Variants in MAML3 observed in about 807,000 individuals in gnomAD.
The protein encoded by MAML3 is mastermind like transcriptional coactivator 3.
A neutral mutation model predicts 101.9 loss-of-function variants in MAML3; 27 were observed. The observed-to-expected ratio is 0.27, with a 90% CI of 0.20 to 0.37. The LOEUF is 0.37. MAML3 is among the 10% of genes least tolerant of loss of function. MAML3 has a pLI of 1.00. For missense variants in MAML3, 1,316 were observed against 1,444.9 expected (o/e 0.91, Z 1.45); for synonymous variants, 501 against 555.9 (o/e 0.90, Z 1.39).
intron 1 of MAML3, among the ~76,000 whole-genome samples, chr4:140,036,341 G>A (rs764506721): frequency 1.3e-5 from 2 of 152,140 alleles, no homozygotes; most frequent in South Asian, 2.1e-4. Flanking sequence ...CAAGACCTCC[G>A]TCACCCAGCA....
chr4:139,841,060 A>T, intron 2 of MAML3, among the ~76,000 whole-genome samples: 1 of 152,252 alleles, frequency 6.6e-6, no homozygotes, highest in East Asian at 1.9e-4. Context: ...ATAACAACAT[A>T]GAACCAAAAG....
intron 1 of MAML3, among the ~76,000 whole-genome samples, chr4:140,014,510 C>T (rs570049835): frequency 1.3e-5 from 2 of 152,180 alleles, no homozygotes; most frequent in East Asian, 1.9e-4. Context: ...ATTAGTCATT[C>T]GACAAATATT....
rs1333976012 is a variant in MAML3 at position 139,735,322 on chromosome 4, C to T, written c.2080-4655G>A. ...TATCTCTGGGGTTATCTGCCCCCCT[C>T]CTCCGACTGACACTGAACTGGTTTC... On this transcript the variant is annotated intron_variant, in intron 2 of 4. Transcript: ENST00000509479. This position sits in a 1 kb window ranked among gnomAD's most constrained non-coding sequence, Gnocchi z 5.8. 1.3e-5 allele frequency among the ~76,000 whole-genome samples: 2 copies of T among 152,204 alleles called. No homozygotes were observed. Among genetic ancestry groups the T allele is most frequent in the Non-Finnish European group, 2.9e-5 (2 of 68,042 alleles).
At position 140,148,505 on chromosome 4, in the gene MAML3, A is replaced by G. The variant is rs186147547; in HGVS notation, c.468+4355T>C. 8.5e-4 allele frequency among the ~76,000 whole-genome samples: 130 copies of G among 152,360 alleles called. 1 individual carries two copies. The highest frequency in any genetic ancestry group is 3.0e-3 in the African/African-American group (126 of 41,592). ...AAACTTAAGGCATGCTGTGTTGGGCAATGGAAAGCTTTCCGAAAGACAGTC... is the reference window on the plus strand; with the variant it reads ...AAACTTAAGGCATGCTGTGTTGGGCGATGGAAAGCTTTCCGAAAGACAGTC... On this transcript the variant is annotated intron_variant, in intron 1 of 4. Transcript: ENST00000509479.
chr4:140,013,483 G>A (rs1367342906), intron 1 of MAML3, among the ~76,000 whole-genome samples: 3 of 152,102 alleles, frequency 2.0e-5, no homozygotes, highest in Non-Finnish European at 2.9e-5. Flanking sequence ...TCTCTGACAT[G>A]ATACCACACT....
At chr4:139,861,757 A>G (rs1481475911) in intron 2 of MAML3, among the ~76,000 whole-genome samples, 1 of 152,004 alleles carries the variant, frequency 6.6e-6, no homozygotes, top group Non-Finnish European at 1.5e-5. Context: ...GTGTACCCTC[A>G]GTGGGCCTAG....
chr4:139,992,390 G>A (rs554910574), intron 1 of MAML3, among the ~76,000 whole-genome samples: 5 of 152,168 alleles, frequency 3.3e-5, no homozygotes, highest in South Asian at 4.2e-4. Flanking sequence ...TGATCCACAC[G>A]GTTAAGTTTT....
At chr4:139,810,809 CT>C (rs1335217920) in intron 2 of MAML3, among the ~76,000 whole-genome samples, 1 of 152,208 alleles carries the variant, frequency 6.6e-6, no homozygotes, top group East Asian at 1.9e-4. Context: ...TATTCCTTCT[CT>C]TCAGTAGAAT....
chr4:139,840,993 G>A (rs1359987613), intron 2 of MAML3, among the ~76,000 whole-genome samples: 1 of 152,182 alleles, frequency 6.6e-6, no homozygotes, highest in African/African-American at 2.4e-5. Flanking sequence ...CACAGTGATT[G>A]CAAAATGAAC....
chr4:139,921,389 A>G (rs909639836), intron 1 of MAML3, among the ~76,000 whole-genome samples: 19 of 152,162 alleles, frequency 1.2e-4, no homozygotes, highest in Non-Finnish European at 2.8e-4. Flanking sequence ...GCTGCTCACT[A>G]TCGCTCCTGT....
chr4:139,776,424 A>C (rs1730097518), intron 2 of MAML3, among the ~76,000 whole-genome samples: 1 of 152,084 alleles, frequency 6.6e-6, no homozygotes, highest in Non-Finnish European at 1.5e-5. Flanking sequence ...TAAGGAAGTG[A>C]CTCTGCAGAT....
intron 2 of MAML3, among the ~76,000 whole-genome samples, chr4:139,767,377 T>C (rs1729884327): frequency 6.6e-6 from 1 of 152,246 alleles, no homozygotes; most frequent in Non-Finnish European, 1.5e-5. Flanking sequence ...ATGAAATTGG[T>C]TTAAGCTGTC....
At chr4:139,874,584 T>TTGAA (rs201445115) in intron 2 of MAML3, among the ~76,000 whole-genome samples, 1,601 of 152,078 alleles carry the variant, frequency 0.011, 24 homozygotes, top group African/African-American at 0.036. Flanking sequence ...ATAAAATATG[T>TTGAA]TGAATGAATG....
intron 2 of MAML3, among the ~76,000 whole-genome samples, chr4:139,809,900 G>C (rs1331829900): frequency 8.9e-6 from 1 of 112,704 alleles, no homozygotes; most frequent in Non-Finnish European, 2.1e-5. Flanking sequence ...ACACACACAC[G>C]GATGCTCCAG....
At chr4:139,840,494 C>T (rs1731341958) in intron 2 of MAML3, among the ~76,000 whole-genome samples, 1 of 152,162 alleles carries the variant, frequency 6.6e-6, no homozygotes, top group African/African-American at 2.4e-5. Flanking sequence ...CAGACAGAAG[C>T]CCCGGTGCAG....
chr4:139,852,416 T>TG (rs1376213308), intron 2 of MAML3, among the ~76,000 whole-genome samples: 1 of 137,096 alleles, frequency 7.3e-6, no homozygotes, highest in Non-Finnish European at 1.6e-5. Flanking sequence ...TTTTTTTTTT[T>TG]TTTTTTTTTT....
chr4:139,749,890 C>CA (rs1034764480), intron 2 of MAML3, among the ~76,000 whole-genome samples: 1 of 130,386 alleles, frequency 7.7e-6, no homozygotes, highest in Admixed American at 8.1e-5. Context: ...TAAGAACCCC[C>CA]CCCCACCCTA....
chr4:139,881,189 C>T (rs1225695754), intron 2 of MAML3, among the ~76,000 whole-genome samples: 2 of 152,080 alleles, frequency 1.3e-5, no homozygotes, highest in Non-Finnish European at 2.9e-5. Context: ...ACCAGATACC[C>T]TCCCTCAGAC....
At chr4:139,752,270 G>C (rs1419361891) in intron 2 of MAML3, among the ~76,000 whole-genome samples, 1 of 152,238 alleles carries the variant, frequency 6.6e-6, no homozygotes, top group African/African-American at 2.4e-5. Context: ...GTTGTAAGAT[G>C]TATCCTGATT....
Sources: gnomAD v4.1 joint callset for allele counts (sites outside exome capture counted in the v4.1 genomes callset) on GRCh38, gnomAD v4.1.1 for gene constraint, Gnocchi (gnomAD v3.1) non-coding constraint, MANE v1.5 for transcripts, NCBI Gene and HGNC (gene_info 2026-07-23, HGNC 2026-07-21) for gene names.